Variants in MPHOSPH9 observed in about 807,000 individuals in gnomAD.
The protein encoded by MPHOSPH9 is M-phase phosphoprotein 9.
Under a neutral mutation model 145.5 loss-of-function variants are expected in MPHOSPH9, and 88 were observed. The observed-to-expected ratio is 0.60, with a 90% CI of 0.51 to 0.72. The LOEUF is 0.72. Among genes scored for constraint, MPHOSPH9 ranks in the 30% least tolerant of loss-of-function variants. MPHOSPH9 has a pLI of 0.00. For synonymous variants in MPHOSPH9, 435 were observed against 486.2 expected (o/e 0.89, Z 1.39); for missense variants, 1,238 against 1,386.6 (o/e 0.89, Z 1.70).
downstream of MPHOSPH9, chr12:123,152,586 A>G: frequency 2.2e-6 from 1 of 456,700 alleles, no homozygotes; most frequent in Non-Finnish European, 4.4e-6. Flanking sequence ...TGTCCAGCAA[A>G]TGCACATTTA....
At position 123,203,001 on chromosome 12, in the gene MPHOSPH9, A is replaced by G. The variant is rs2046287103; in HGVS notation, c.1404T>C (p.Leu468=). Residue 468 remains leucine (L), a synonymous_variant, in exon 10 of 24, where the codon CTT becomes CTC. Transcript: ENST00000606320. The part of the protein sequence containing the change: ...GIQPHGLPNA[L]DDRISFSPDS... ...CCGGGGAAAAGGATATTCTGTCATC[A>G]AGGGCATTCGGAAGGCCGTGAGGTT... 1 of 1,614,078 alleles carries G rather than the reference A, an allele frequency of 6.2e-7. No individual in the cohort carries two copies. The highest frequency in any genetic ancestry group is 1.7e-5 in the Admixed American group (1 of 59,974).
In MPHOSPH9 at chr12:123,202,213, T is replaced by C. The variant is rs201423938; in HGVS notation, c.1888A>G (p.Ile630Val). 2 of 1,613,230 alleles carry C rather than the reference T, an allele frequency of 1.2e-6. No individual in the cohort carries two copies. The highest frequency in any genetic ancestry group is 4.5e-5 in the East Asian group (2 of 44,824). The change falls in exon 11 of 24, where the codon ATC (isoleucine) becomes GTC (valine). Residue 630 changes from isoleucine to valine, a missense_variant. This residue lies in a region of MPHOSPH9 where 837 missense variants were observed against 897.5 expected (regional missense o/e 0.93). Coordinates refer to ENST00000606320, the MANE Select transcript of MPHOSPH9 (RefSeq NM_022782.4). Reference protein sequence around the residue: ...SLKQKLEAKEISGVEDWKITN... With the variant: ...SLKQKLEAKEVSGVEDWKITN... ...ATCTTCCAATCTTCAACTCCAGAGA[T>C]TTCTTTTGCCTCCAGCTTCTGTTTC...
chr12:123,182,257 T>TTG (rs1555220947), intron 13 of MPHOSPH9, among the ~76,000 whole-genome samples: 19 of 70,200 alleles, frequency 2.7e-4, no homozygotes, highest in South Asian at 6.2e-4. Flanking sequence ...GTGTTTTTTT[T>TTG]TTTGTTTTTT....
chr12:123,162,901 C>T, intron 20 of MPHOSPH9, 113 bp downstream of exon 20: 2 of 1,021,238 alleles, frequency 2.0e-6, no homozygotes, highest in Admixed American at 3.7e-5. Flanking sequence ...AAATGAAATT[C>T]ACAGAGTTCC....
intron 23 of MPHOSPH9, among the ~76,000 whole-genome samples, chr12:123,157,552 C>T (rs538920750): frequency 6.6e-6 from 1 of 152,302 alleles, no homozygotes; most frequent in Admixed American, 6.5e-5. Flanking sequence ...ATGATCATAG[C>T]TTACTGCAGC....
Position 123,224,130 on chromosome 12 carries a change from ATTT to A in MPHOSPH9, c.259-1006_259-1004del, listed in dbSNP as rs1156810609. On this transcript the variant is annotated intron_variant, in intron 3 of 23. Coordinates refer to ENST00000606320, the MANE Select transcript of MPHOSPH9 (RefSeq NM_022782.4). ...CTAATTTATATATATATATATACACATTTTTTTTTTTTTTTTTTTTTGGAGACA... is the reference window on the plus strand; with the variant it reads ...CTAATTTATATATATATATATACACATTTTTTTTTTTTTTTTTTGGAGACA... 2.3e-3 allele frequency among the ~76,000 whole-genome samples: 188 copies of A among 81,018 alleles called. 3 individuals carry two copies. Among genetic ancestry groups the A allele is most frequent in the East Asian group, 3.0e-3 (6 of 2,004 alleles). The allele number at this position is 81,018 out of a possible 152,430, so 53.2% of individuals were successfully genotyped here. A position where few individuals can be genotyped will look rare whatever the true frequency, so the allele number is the denominator to read the frequency against.
chr12:123,197,155 T>C (rs919995141), intron 12 of MPHOSPH9, among the ~76,000 whole-genome samples: 1 of 151,138 alleles, frequency 6.6e-6, no homozygotes, highest in African/African-American at 2.4e-5. Flanking sequence ...GTAAGTTTTA[T>C]GGTATGCAAA....
chr12:123,166,401 T>A (rs1371182123), intron 17 of MPHOSPH9: 1 of 460,796 alleles, frequency 2.2e-6, no homozygotes, highest in South Asian at 2.5e-5. Flanking sequence ...CCACCACACC[T>A]GGCCTGAGGA....
chr12:123,202,795 G>A lies in MPHOSPH9; in HGVS notation c.1610C>T (p.Pro537Leu), dbSNP rs141638342. 8.1e-6 allele frequency: 13 copies of A among 1,614,150 alleles called. No individual in the cohort carries two copies. The highest frequency in any genetic ancestry group is 1.3e-5 in the African/African-American group (1 of 75,052). The change falls in exon 10 of 24, where the codon CCG becomes CTG. Residue 537 changes from proline to leucine, a missense_variant. Transcript: ENST00000606320. ...ATTACTAGTAATGGTATATACTGAC[G>A]GAAACGTGGAACTGGTCCTACTTTC... ...QNESRTSSTF[P>L]SVYTITSNDI...
At chr12:123,196,992 G>A (rs1451215715) in intron 12 of MPHOSPH9, among the ~76,000 whole-genome samples, 1 of 150,146 alleles carries the variant, frequency 6.7e-6, no homozygotes, top group Non-Finnish European at 1.5e-5. Flanking sequence ...CCAGGGTGTG[G>A]AAGGACAGAA....
upstream of MPHOSPH9, among the ~76,000 whole-genome samples, chr12:123,237,106 T>C (rs1376159429): frequency 6.6e-6 from 1 of 150,616 alleles, no homozygotes; most frequent in Non-Finnish European, 1.5e-5. Flanking sequence ...AGAAGAAATA[T>C]GATACACACA....
chr12:123,158,068 C>A (rs995872754), intron 23 of MPHOSPH9, among the ~76,000 whole-genome samples: 2 of 152,050 alleles, frequency 1.3e-5, no homozygotes, highest in African/African-American at 4.8e-5. Flanking sequence ...CAGCTCACTG[C>A]AACCTCTGCC....
At chr12:123,169,835 C>A (rs2044496378) in intron 16 of MPHOSPH9, among the ~76,000 whole-genome samples, 1 of 151,918 alleles carries the variant, frequency 6.6e-6, no homozygotes, top group Non-Finnish European at 1.5e-5. Context: ...AGTGATCTGC[C>A]CACCTTGGCC....
intron 12 of MPHOSPH9, among the ~76,000 whole-genome samples, chr12:123,195,830 A>T (rs2138272198): frequency 1.3e-5 from 2 of 152,270 alleles, no homozygotes; most frequent in African/African-American, 4.8e-5. Context: ...GCTAGAGCCC[A>T]GGAGTTTAAG....
intron 11 of MPHOSPH9, among the ~76,000 whole-genome samples, chr12:123,201,817 G>T (rs1166200505): frequency 6.6e-6 from 1 of 152,140 alleles, no homozygotes; most frequent in Non-Finnish European, 1.5e-5. Flanking sequence ...GCATATCTTT[G>T]TGGGTTTTTT....
chr12:123,177,068 T>C (rs2044904444), intron 15 of MPHOSPH9, among the ~76,000 whole-genome samples: 1 of 152,128 alleles, frequency 6.6e-6, no homozygotes, highest in African/African-American at 2.4e-5. Flanking sequence ...TGTACACCTG[T>C]AGTCCCAGCT....
chr12:123,184,309 C>A (rs2045336600), intron 13 of MPHOSPH9, among the ~76,000 whole-genome samples: 1 of 151,948 alleles, frequency 6.6e-6, no homozygotes, highest in African/African-American at 2.4e-5. Flanking sequence ...GACTGTAAGA[C>A]CTGTCTTTAC....
At chr12:123,199,908 G>A (rs1353976280) in intron 11 of MPHOSPH9, among the ~76,000 whole-genome samples, 1 of 152,112 alleles carries the variant, frequency 6.6e-6, no homozygotes, top group East Asian at 1.9e-4. Flanking sequence ...CAGTCACACT[G>A]GGAACATAAG....
chr12:123,211,126 A>C (rs1193859804), intron 7 of MPHOSPH9, among the ~76,000 whole-genome samples: 1 of 151,956 alleles, frequency 6.6e-6, no homozygotes, highest in Non-Finnish European at 1.5e-5. Context: ...CTGAGGTTAC[A>C]GGAATGCACC....
Sources: gnomAD v4.1 joint callset for allele counts (sites outside exome capture counted in the v4.1 genomes callset) on GRCh38, gnomAD v4.1.1 for gene constraint, gnomAD v4.1.1 regional missense constraint, MANE v1.5 for transcripts, NCBI Gene and HGNC (gene_info 2026-07-23, HGNC 2026-07-21) for gene names.